The following NTM variants were observed in gnomAD, a reference collection of about 807,000 sequenced individuals.
The protein encoded by NTM is neurotrimin.
In NTM, 13 loss-of-function variants were observed where a neutral mutation model predicts 42.1. The observed-to-expected ratio is 0.31, with a 90% CI of 0.20 to 0.49. The LOEUF (loss-of-function observed/expected upper bound fraction) is 0.49, where lower values mean the gene tolerates loss of function less well. NTM is among the 20% of genes least tolerant of loss of function. The probability of loss-of-function intolerance (pLI) is 0.99; values close to 1 mark genes in which losing one functional copy is unlikely to be tolerated. For missense variants in NTM, 373 were observed against 452.8 expected, an observed-to-expected ratio of 0.82 and a Z score of 1.60; for synonymous variants, 187 against 179.2, an observed-to-expected ratio of 1.04 and a Z score of -0.35.
chr11:131,577,375 A>AG (rs2058031925), intron 1 of NTM, among the ~76,000 whole-genome samples: 1 of 152,174 alleles, frequency 6.6e-6, no homozygotes, highest in Admixed American at 6.5e-5. Flanking sequence ...GCTATCTATC[A>AG]ACTCTTATAG....
At chr11:131,598,852 C>CTTTCTTTCTTTCTTTTTCTTT (rs2060171376) in intron 1 of NTM, among the ~76,000 whole-genome samples, 4 of 36,208 alleles carry the variant, frequency 1.1e-4, no homozygotes, top group African/African-American at 3.3e-4. Context: ...TTTCTTTCTT[C>CTTTCTTTCTTTCTTTTTCTTT]CTTCCTTCCT....
At chr11:132,027,565 G>A (rs577037622) in intron 2 of NTM, among the ~76,000 whole-genome samples, 6 of 152,046 alleles carry the variant, frequency 3.9e-5, no homozygotes, top group Non-Finnish European at 8.8e-5. Flanking sequence ...TATTTCACTC[G>A]ACGCTCCTCT....
chr11:131,632,752 G>A (rs2063788387), intron 1 of NTM, among the ~76,000 whole-genome samples: 1 of 124,604 alleles, frequency 8.0e-6, no homozygotes, highest in Admixed American at 1.0e-4. Context: ...TCCACTCACT[G>A]CAAGCTCCGC....
At position 131,918,110 on chromosome 11, in the gene NTM, G is replaced by C. The variant is rs558687927; in HGVS notation, c.167+6462G>C. Among the ~76,000 whole-genome samples the C allele has an allele frequency of 3.9e-5, 6 of 152,256 alleles. No homozygotes were observed. In the East Asian group the frequency reaches 9.7e-4, roughly 25 times the overall value. On this transcript the variant is annotated intron_variant, in intron 2 of 8. Transcript: ENST00000683400. ...CAGAGAGCTGGGAGGTCAACCACCT[G>C]GTTTTACAGATAGTGGAAGTAGTGA... is the stretch of plus-strand genomic sequence containing the variant.
At chr11:132,005,951 CA>C (rs1486509745) in intron 2 of NTM, among the ~76,000 whole-genome samples, 7 of 152,092 alleles carry the variant, frequency 4.6e-5, no homozygotes, top group Non-Finnish European at 1.0e-4. Context: ...AGATTTTAAC[CA>C]CATTTGCGTG....
chr11:132,004,759 G>C (rs1016263208), intron 2 of NTM, among the ~76,000 whole-genome samples: 8 of 152,078 alleles, frequency 5.3e-5, no homozygotes, highest in Admixed American at 5.2e-4. Context: ...TGATGTTCAT[G>C]GTACCTAGGG....
chr11:131,595,461 T>G (rs908415884), intron 1 of NTM, among the ~76,000 whole-genome samples: 3 of 152,252 alleles, frequency 2.0e-5, no homozygotes, highest in African/African-American at 7.2e-5. Flanking sequence ...TTAGAAGGAC[T>G]GACTCCTGGT....
At chr11:131,583,455 TAAAC>T (rs1337514018) in intron 1 of NTM, among the ~76,000 whole-genome samples, 7 of 152,218 alleles carry the variant, frequency 4.6e-5, no homozygotes, top group African/African-American at 7.2e-5. Flanking sequence ...CATGAAATCA[TAAAC>T]AAACTGCTGT....
chr11:131,611,176 G>A (rs1441612545), intron 1 of NTM, among the ~76,000 whole-genome samples: 3 of 152,162 alleles, frequency 2.0e-5, no homozygotes, highest in Admixed American at 1.3e-4. Context: ...TTGCACCTGA[G>A]GAGGGAAAAG....
At chr11:131,822,660 T>A (rs761377385) in intron 1 of NTM, among the ~76,000 whole-genome samples, 2 of 152,208 alleles carry the variant, frequency 1.3e-5, no homozygotes, top group African/African-American at 2.4e-5. Flanking sequence ...ATGGTGTCAA[T>A]GTAATGTGTT....
At chr11:131,614,520 G>A (rs1337464497) in intron 1 of NTM, among the ~76,000 whole-genome samples, 1 of 152,218 alleles carries the variant, frequency 6.6e-6, no homozygotes, top group African/African-American at 2.4e-5. Context: ...GACTAGACAG[G>A]AGGGCAGTGA....
intron 2 of NTM, among the ~76,000 whole-genome samples, chr11:131,929,362 G>A (rs2058335764): frequency 6.6e-6 from 1 of 152,216 alleles, no homozygotes; most frequent in Admixed American, 6.5e-5. Context: ...CCAAGCCACA[G>A]GCCTTGGTGA....
At chr11:132,038,191 G>A (rs1183661808) in intron 2 of NTM, among the ~76,000 whole-genome samples, 1 of 152,226 alleles carries the variant, frequency 6.6e-6, no homozygotes, top group Non-Finnish European at 1.5e-5. Flanking sequence ...TCCGACACAG[G>A]TGACTGAAGG....
chr11:131,910,796 C>G, intron 1 of NTM: 1 of 971,062 alleles, frequency 1.0e-6, no homozygotes, highest in Non-Finnish European at 1.2e-6. Context: ...GCCCCTGCCC[C>G]GCCGAGCCCC....
intron 2 of NTM, among the ~76,000 whole-genome samples, chr11:132,011,042 T>C (rs911040402): frequency 6.6e-5 from 10 of 151,658 alleles, no homozygotes; most frequent in Non-Finnish European, 1.5e-4. Context: ...CTCTGTGGCA[T>C]TGAGTTGTTT....
chr11:132,102,406 C>CATTA (rs1474788469), intron 2 of NTM, among the ~76,000 whole-genome samples: 9 of 152,284 alleles, frequency 5.9e-5, no homozygotes, highest in Admixed American at 5.2e-4. Flanking sequence ...GTCAGTGTGC[C>CATTA]TGAAGAGCTG....
intron 1 of NTM, among the ~76,000 whole-genome samples, chr11:131,880,799 C>CT (rs1491022875): frequency 6.8e-6 from 1 of 147,426 alleles, no homozygotes; most frequent in African/African-American, 2.7e-5. Flanking sequence ...CCAAATCTCA[C>CT]TCTTTTTTTT....
At position 131,452,353 on chromosome 11, in the gene NTM, G is replaced by A. The variant is rs76307303; in HGVS notation, c.82+81465G>A. Among the ~76,000 whole-genome samples the A allele has an allele frequency of 5.8e-3, 885 of 152,292 alleles. 11 individuals carry two copies. The highest frequency in any genetic ancestry group is 0.02 in the African/African-American group (844 of 41,554). On this transcript the variant is annotated intron_variant, in intron 1 of 8. Coordinates refer to ENST00000683400, the MANE Select transcript of NTM (RefSeq NM_001352005.2). ...CACAGTCCATTGGTGGTCTCAGGCA[G>A]GGAGTTCACCTTTGAAGGCATCCTC...
Position 132,157,609 on chromosome 11 carries a change from G to C in NTM, c.400+11095G>C, listed in dbSNP as rs145669106. Among the ~76,000 whole-genome samples, 986 of 152,338 alleles carry C rather than the reference G, an allele frequency of 6.5e-3. 14 individuals carry two copies. The highest frequency in any genetic ancestry group is 0.022 in the African/African-American group (906 of 41,586). ...GATTTGGTTTGTGAATGTGGGACCA[G>C]AGTTGAAGATTAAAATCGCTAAACA... On this transcript the variant is annotated intron_variant, in intron 3 of 8. Coordinates refer to ENST00000683400, the MANE Select transcript of NTM (RefSeq NM_001352005.2).
Sources: allele counts gnomAD v4.1 joint callset (sites outside exome capture counted in the v4.1 genomes callset), GRCh38; gene constraint gnomAD v4.1.1; transcripts MANE v1.5; gene names NCBI Gene and HGNC (gene_info 2026-07-23, HGNC 2026-07-21).